The following PDS5B variants were observed in gnomAD, a reference collection of about 807,000 sequenced individuals.
PDS5B encodes the protein sister chromatid cohesion protein PDS5 homolog B.
In PDS5B, 51 loss-of-function variants were observed where a neutral mutation model predicts 184.1. The ratio of observed to expected loss-of-function variants is 0.28; its 90% CI spans 0.22 to 0.35. The LOEUF is 0.35. Ranked by LOEUF, PDS5B falls within the 10% of genes least tolerant of loss-of-function variation. The probability of loss-of-function intolerance (pLI) is 1.00; values close to 1 mark genes in which losing one functional copy is unlikely to be tolerated. For synonymous variants in PDS5B, 566 were observed against 569.2 expected (o/e 0.99, Z 0.08); for missense variants, 1,180 against 1,723.3 (o/e 0.68, Z 5.58).
Position 32,773,196 on chromosome 13 carries a change from G to C in PDS5B, c.4180G>C (p.Gly1394Arg). 1 of 1,611,382 alleles carries C rather than the reference G, an allele frequency of 6.2e-7. No individual in the cohort carries two copies. Among genetic ancestry groups the C allele is most frequent in the Non-Finnish European group, 8.5e-7 (1 of 1,178,834 alleles). ...ACATGTGTTTTACTCTAGCCGTGTA[G>C]GACGCTCCAAACAAGCAGCTACTAA... The part of the protein sequence containing the change: ...PSQPKKNVRV[G>R]RSKQAATKEN... Residue 1394 changes from glycine to arginine, a missense_variant, in exon 34 of 35, where the codon GGA becomes CGA. Physicochemically the swap from Gly to Arg is moderately radical, Grantham distance 125 (BLOSUM62 -2). Coordinates refer to ENST00000315596, the MANE Select transcript of PDS5B (RefSeq NM_015032.4).
chr13:32,668,127 GATAGAA>G (rs1377220617), intron 7 of PDS5B, among the ~76,000 whole-genome samples: 4 of 152,080 alleles, frequency 2.6e-5, no homozygotes, highest in African/African-American at 7.2e-5. Context: ...TGTTTCTACT[GATAGAA>G]ATAGAGTTAA....
chr13:32,766,482 G>A (rs917419383), intron 31 of PDS5B, among the ~76,000 whole-genome samples: 9 of 152,056 alleles, frequency 5.9e-5, no homozygotes, highest in African/African-American at 2.2e-4. Flanking sequence ...CAGTTTTAGA[G>A]GTGCTAGAAG....
intron 22 of PDS5B, among the ~76,000 whole-genome samples, 181 bp from the exon 23 acceptor site, chr13:32,742,410 C>T (rs1009994051): frequency 2.0e-5 from 3 of 152,034 alleles, no homozygotes; most frequent in African/African-American, 7.2e-5. Context: ...ATTCTTTTGC[C>T]ATTTTCTTGG....
At chr13:32,656,348 G>A (rs1353138849) in intron 3 of PDS5B, among the ~76,000 whole-genome samples, 3 of 133,782 alleles carry the variant, frequency 2.2e-5, no homozygotes, top group African/African-American at 8.5e-5. Context: ...ACATTTTAAG[G>A]TAGTTTTTTC....
At chr13:32,622,913 T>G (rs1392982589) in intron 1 of PDS5B, among the ~76,000 whole-genome samples, 2 of 151,590 alleles carry the variant, frequency 1.3e-5, no homozygotes, top group Non-Finnish European at 2.9e-5. Context: ...AGAGAAAGAG[T>G]TTAGTCGCAG....
At chr13:32,706,888 A>G in intron 17 of PDS5B, 46 bp from the exon 18 acceptor site, 1 of 1,156,304 alleles carries the variant, frequency 8.6e-7, no homozygotes, top group Non-Finnish European at 1.3e-6. Context: ...TTTCTTAGAC[A>G]TTGCTAGTAA....
intron 1 of PDS5B, among the ~76,000 whole-genome samples, chr13:32,615,876 G>A (rs542418873): frequency 2.0e-5 from 3 of 152,096 alleles, no homozygotes; most frequent in Non-Finnish European, 4.4e-5. Context: ...TGTGATTAGT[G>A]CAATAATTCA....
At chr13:32,674,059 C>T (rs989550950) in intron 8 of PDS5B, among the ~76,000 whole-genome samples, 4 of 152,140 alleles carry the variant, frequency 2.6e-5, no homozygotes, top group African/African-American at 9.7e-5. Flanking sequence ...AAGTAATCCA[C>T]CTGCCTCGGC....
At chr13:32,663,500 A>G (rs1371983480) in intron 6 of PDS5B, among the ~76,000 whole-genome samples, 1 of 152,194 alleles carries the variant, frequency 6.6e-6, no homozygotes, top group African/African-American at 2.4e-5. Context: ...GAGAAAGACA[A>G]ATTTTAATAG....
chr13:32,773,060 GTTC>G, intron 33 of PDS5B, 126 bp from the exon 34 acceptor site: 1 of 703,358 alleles, frequency 1.4e-6, no homozygotes, highest in Non-Finnish European at 2.3e-6. Flanking sequence ...TTAAAGAAAT[GTTC>G]TTGTCTCATA....
At chr13:32,613,666 G>A (rs2058176084) in intron 1 of PDS5B, among the ~76,000 whole-genome samples, 1 of 152,130 alleles carries the variant, frequency 6.6e-6, no homozygotes, top group Non-Finnish European at 1.5e-5. Flanking sequence ...GTGTATGAAT[G>A]TTCTCCCATT....
At chr13:32,731,079 T>C (rs907353645) in intron 19 of PDS5B, among the ~76,000 whole-genome samples, 1 of 152,108 alleles carries the variant, frequency 6.6e-6, no homozygotes, top group Non-Finnish European at 1.5e-5. Flanking sequence ...TATTAAAGAA[T>C]GTTTTACCTT....
chr13:32,652,213 A>G (rs1219040409), intron 3 of PDS5B: 5 of 465,264 alleles, frequency 1.1e-5, no homozygotes, highest in South Asian at 7.1e-5. Flanking sequence ...GTAGATTAAT[A>G]CAGTGTGTAT....
At chr13:32,651,254 G>A (rs1436832831) in intron 2 of PDS5B, among the ~76,000 whole-genome samples, 1 of 152,126 alleles carries the variant, frequency 6.6e-6, no homozygotes, top group South Asian at 2.1e-4. Flanking sequence ...TATTTTGTTG[G>A]ATGCCGTGGT....
At chr13:32,680,728 T>G (rs1951215556) in intron 10 of PDS5B, among the ~76,000 whole-genome samples, 1 of 152,244 alleles carries the variant, frequency 6.6e-6, no homozygotes, top group South Asian at 2.1e-4. Context: ...CCAGAAGTTC[T>G]TGTTGCTAGT....
intron 1 of PDS5B, among the ~76,000 whole-genome samples, chr13:32,611,614 C>T (rs2058143830): frequency 6.8e-6 from 1 of 146,226 alleles, no homozygotes. Flanking sequence ...CTCTAGTGAT[C>T]TTCCTGCCTC....
intron 13 of PDS5B, among the ~76,000 whole-genome samples, chr13:32,691,810 C>T (rs1356930468): frequency 6.6e-6 from 1 of 152,116 alleles, no homozygotes; most frequent in Non-Finnish European, 1.5e-5. Flanking sequence ...CTAGTTTATA[C>T]TCCTACCAGT....
intron 24 of PDS5B, among the ~76,000 whole-genome samples, chr13:32,748,464 CTT>C (rs370828607): frequency 1.6e-4 from 22 of 141,802 alleles, no homozygotes; most frequent in African/African-American, 2.1e-4. Flanking sequence ...GGCTCTTCCT[CTT>C]TTTTTTTTTT....
intron 1 of PDS5B, among the ~76,000 whole-genome samples, chr13:32,616,703 C>G (rs1041181419): frequency 6.6e-6 from 1 of 152,062 alleles, no homozygotes; most frequent in African/African-American, 2.4e-5. Flanking sequence ...ATTTATTTAC[C>G]TGAGACAATA....
Sources: allele counts gnomAD v4.1 joint callset (sites outside exome capture counted in the v4.1 genomes callset), GRCh38; gene constraint gnomAD v4.1.1; transcripts MANE v1.5; gene names NCBI Gene and HGNC (gene_info 2026-07-23, HGNC 2026-07-21).